Variants in LRP1B observed in about 807,000 individuals in gnomAD.
LRP1B encodes the protein LDL receptor related protein 1B, also known as low-density lipoprotein receptor-related protein 1B.
LRP1B carries 217 observed loss-of-function variants against 556.6 expected under a neutral mutation model. The ratio of observed to expected loss-of-function variants is 0.39; its 90% CI spans 0.35 to 0.44. The LOEUF is 0.44. LRP1B is among the 20% of genes least tolerant of loss of function. The pLI is 1.00. For synonymous variants in LRP1B, 2,047 were observed against 1,865.8 expected, an observed-to-expected ratio of 1.10 and a Z score of -2.50; for missense variants, 5,053 against 5,620.8, an observed-to-expected ratio of 0.90 and a Z score of 3.23.
intron 1 of LRP1B, among the ~76,000 whole-genome samples, chr2:142,015,537 G>A (rs1265447030): frequency 1.3e-5 from 2 of 152,126 alleles, no homozygotes; most frequent in Non-Finnish European, 2.9e-5. Context: ...CTAATTAAAC[G>A]AAAGAGCTTC....
intron 2 of LRP1B, among the ~76,000 whole-genome samples, chr2:141,713,160 T>A (rs185419534): frequency 6.6e-6 from 1 of 151,668 alleles, no homozygotes; most frequent in African/African-American, 2.4e-5. Context: ...AGTGCTGGGA[T>A]TAGGGGTGTG....
intron 45 of LRP1B, among the ~76,000 whole-genome samples, chr2:140,540,708 ACTTCT>A (rs1680101315): frequency 6.6e-6 from 1 of 151,666 alleles, no homozygotes; most frequent in South Asian, 2.1e-4. Context: ...GTGTGCAGAC[ACTTCT>A]CTAGCTAGCC....
At chr2:141,450,737 T>C (rs541546950) in intron 3 of LRP1B, among the ~76,000 whole-genome samples, 2 of 152,088 alleles carry the variant, frequency 1.3e-5, no homozygotes, top group Admixed American at 6.6e-5. Context: ...ATTGATTTTG[T>C]GGGAGGCAGT....
At chr2:141,074,509 T>C (rs1301857044) in intron 7 of LRP1B, among the ~76,000 whole-genome samples, 2 of 151,346 alleles carry the variant, frequency 1.3e-5, no homozygotes, top group African/African-American at 2.4e-5. Flanking sequence ...CTCAGTGTTA[T>C]ATGCTTAGAA....
intron 22 of LRP1B, among the ~76,000 whole-genome samples, chr2:140,907,222 T>G (rs2105230321): frequency 6.6e-6 from 1 of 152,202 alleles, no homozygotes; most frequent in East Asian, 1.9e-4. Flanking sequence ...TTAAAAAATC[T>G]CTTTACTAAA....
At chr2:140,877,549 A>G (rs1047020410) in intron 25 of LRP1B, among the ~76,000 whole-genome samples, 1 of 152,156 alleles carries the variant, frequency 6.6e-6, no homozygotes, top group Non-Finnish European at 1.5e-5. Context: ...CTAAAGGGAA[A>G]ATTCAAGCTG....
intron 59 of LRP1B, among the ~76,000 whole-genome samples, chr2:140,476,955 C>T (rs1394787039): frequency 6.6e-6 from 1 of 151,796 alleles, no homozygotes; most frequent in Non-Finnish European, 1.5e-5. Flanking sequence ...GATCCTAAGC[C>T]CCTCAAAAAA....
At chr2:141,853,923 A>G (rs1041250611) in intron 1 of LRP1B, among the ~76,000 whole-genome samples, 1 of 152,044 alleles carries the variant, frequency 6.6e-6, no homozygotes, top group Non-Finnish European at 1.5e-5. Flanking sequence ...AGCCAGATAA[A>G]TATTCCAATT....
At chr2:140,934,992 A>T (rs1695161722) in intron 20 of LRP1B, among the ~76,000 whole-genome samples, 2 of 152,190 alleles carry the variant, frequency 1.3e-5, no homozygotes, top group South Asian at 4.1e-4. Context: ...CCTTAAGTTT[A>T]TACCCCAGGG....
intron 1 of LRP1B, among the ~76,000 whole-genome samples, chr2:142,064,803 A>G (rs1174012677): frequency 6.6e-6 from 1 of 151,620 alleles, no homozygotes; most frequent in East Asian, 1.9e-4. Flanking sequence ...ATGATAAAAT[A>G]AAAAAGAAGT....
chr2:141,064,410 CCTT>C (rs1558835422), intron 7 of LRP1B, among the ~76,000 whole-genome samples: 1 of 151,766 alleles, frequency 6.6e-6, no homozygotes, highest in East Asian at 1.9e-4. Context: ...TTCTTTTTGA[CCTT>C]CTATTACAAG....
intron 2 of LRP1B, among the ~76,000 whole-genome samples, chr2:141,618,500 A>G (rs759592125): frequency 6.6e-6 from 1 of 152,200 alleles, no homozygotes; most frequent in Non-Finnish European, 1.5e-5. Flanking sequence ...CTAATTATAG[A>G]CAGAGTTATA....
chr2:140,264,536 G>A (rs973182989), intron 86 of LRP1B, among the ~76,000 whole-genome samples: 3 of 152,098 alleles, frequency 2.0e-5, no homozygotes, highest in African/African-American at 7.2e-5. Flanking sequence ...TTACAGGCGT[G>A]AGCCACCATA....
chr2:141,097,919 A>G (rs1458569521), intron 7 of LRP1B, among the ~76,000 whole-genome samples: 7 of 152,214 alleles, frequency 4.6e-5, no homozygotes, highest in East Asian at 1.9e-4. Context: ...ATAATTGTCA[A>G]TGAATGGTAG....
At chr2:142,032,022 C>G (rs1169921450) in intron 1 of LRP1B, among the ~76,000 whole-genome samples, 2 of 151,882 alleles carry the variant, frequency 1.3e-5, no homozygotes, top group Admixed American at 1.3e-4. Context: ...CTAGCCCCTT[C>G]TGAGGGAGCA....
intron 61 of LRP1B, among the ~76,000 whole-genome samples, chr2:140,456,998 G>GT (rs1687133242): frequency 1.3e-5 from 2 of 152,078 alleles, no homozygotes; most frequent in African/African-American, 2.4e-5. Context: ...GGCCGGATAG[G>GT]TTTTTTTAAG....
chr2:141,091,039 G>C (rs1343135460), intron 7 of LRP1B, among the ~76,000 whole-genome samples: 1 of 152,176 alleles, frequency 6.6e-6, no homozygotes, highest in African/African-American at 2.4e-5. Context: ...GAGGACAGTA[G>C]TTAACTAGAG....
intron 86 of LRP1B, among the ~76,000 whole-genome samples, chr2:140,264,281 T>C (rs898120441): frequency 2.0e-5 from 3 of 152,112 alleles, no homozygotes; most frequent in Non-Finnish European, 2.9e-5. Context: ...CAGGCTGGAG[T>C]GCAATGGCGC....
intron 79 of LRP1B, among the ~76,000 whole-genome samples, chr2:140,334,084 A>G (rs1680953232): frequency 6.6e-6 from 1 of 151,958 alleles, no homozygotes; most frequent in Non-Finnish European, 1.5e-5. Context: ...CTATTTGTTC[A>G]TTTCATCTCT....
Sources: allele counts gnomAD v4.1 joint callset (sites outside exome capture counted in the v4.1 genomes callset), GRCh38; gene constraint gnomAD v4.1.1; transcripts MANE v1.5; gene names NCBI Gene and HGNC (gene_info 2026-07-23, HGNC 2026-07-21).